The following LRRC56 variants were observed in gnomAD, a reference collection of about 807,000 sequenced individuals.
The protein encoded by LRRC56 is leucine-rich repeat-containing protein 56.
A neutral mutation model predicts 47.8 loss-of-function variants in LRRC56; 41 were observed. That is an observed-to-expected ratio of 0.86 (90% CI 0.67 to 1.11). The LOEUF (loss-of-function observed/expected upper bound fraction) is 1.11. Ranked by LOEUF, LRRC56 falls within the 50% of genes most tolerant of loss-of-function variation. The probability of loss-of-function intolerance (pLI) is 0.00; values close to 1 mark genes in which losing one functional copy is unlikely to be tolerated. For missense variants in LRRC56, 759 were observed against 704.2 expected (o/e 1.08, Z -0.88); for synonymous variants, 387 against 311.2 (o/e 1.24, Z -2.56).
the LRRC56 span, among the ~76,000 whole-genome samples, chr11:513,144 T>G: frequency 1.3e-5 from 2 of 152,200 alleles, no homozygotes; most frequent in Non-Finnish European, 2.9e-5. Context: ...AGCTGTTTTG[T>G]TTTGTTTTTC....
rs924106718 is a variant in LRRC56, at chr11:554,794, C to T, written c.*518C>T. On this transcript the variant is annotated 3_prime_UTR_variant, in exon 14 of 14. Transcript: ENST00000270115. The stretch of plus-strand genomic sequence containing the variant: ...GGTTCCCGCACTGCGATAGGGCGGC[C>T]CGTTCCCTCCTCTTGGCGCAGGACG... The T allele has an allele frequency of 5.6e-6, 3 of 533,186 alleles. No individual in the cohort carries two copies. Among genetic ancestry groups the T allele is most frequent in the Admixed American group, 8.0e-5 (2 of 25,110 alleles). 33.0% of individuals were successfully genotyped at this position (533,186 alleles called of 1,614,324 possible). A position where few individuals can be genotyped will look rare whatever the true frequency, so the allele number is the denominator to read the frequency against.
upstream of LRRC56, among the ~76,000 whole-genome samples, chr11:536,207 C>T (rs1459405934): frequency 1.3e-5 from 2 of 152,230 alleles, no homozygotes; most frequent in Non-Finnish European, 2.9e-5. Context: ...TGGGGCCAGG[C>T]GTGAGAACGC....
chr11:530,014 C>G, the LRRC56 span, among the ~76,000 whole-genome samples: 2 of 152,164 alleles, frequency 1.3e-5, no homozygotes, highest in Admixed American at 1.3e-4. Context: ...GCTGGCCTGT[C>G]CCCAGATCAG....
chr11:550,398 A>G lies in LRRC56; in HGVS notation c.624+126A>G, dbSNP rs531800302. 176 of 877,776 alleles carry G rather than the reference A, an allele frequency of 2.0e-4. No individual in the cohort carries two copies. In the East Asian group the frequency reaches 3.0e-3, roughly 15 times the overall value. 54.4% of individuals were successfully genotyped at this position (877,776 alleles called of 1,614,324 possible). On this transcript the variant is annotated intron_variant, in intron 8 of 13. Coordinates refer to ENST00000270115, the MANE Select transcript of LRRC56 (RefSeq NM_198075.4). ...ACCCGCACCCTATGGCCTGCTCACC[A>G]TGAGTTCACCTCCTCTGTCACTGGA...
chr11:547,762 A>G (rs7102467), intron 6 of LRRC56, among the ~76,000 whole-genome samples: 5,525 of 152,340 alleles, frequency 0.036, 111 homozygotes, highest in Middle Eastern at 0.051. Context: ...CTATAAAATT[A>G]AATATGATGC....
At chr11:535,925 C>T (rs1195954361), upstream of LRRC56, among the ~76,000 whole-genome samples, 1 of 152,168 alleles carries the variant, frequency 6.6e-6, no homozygotes, top group African/African-American at 2.4e-5. Context: ...GCCCTCCCTG[C>T]GCCGGCAGCG....
In LRRC56 at chr11:554,025, G is replaced by T; in HGVS notation, c.1378G>T (p.Asp460Tyr). The T allele has an allele frequency of 6.2e-7, 1 of 1,612,258 alleles. No homozygotes were observed. ...ACCTCCCAAGCACCCAAGGCCACGAGATTCTGGCAGCAGCTCCCCGCGGTG... is the reference window on the plus strand; with the variant it reads ...ACCTCCCAAGCACCCAAGGCCACGATATTCTGGCAGCAGCTCCCCGCGGTG... ...PSPPKHPRPRDSGSSSPRWST... is the reference protein window; with the variant it reads ...PSPPKHPRPRYSGSSSPRWST... Residue 460 changes from aspartate to tyrosine, a missense_variant, in exon 14 of 14, where the codon GAT becomes TAT. Coordinates refer to ENST00000270115, the MANE Select transcript of LRRC56 (RefSeq NM_198075.4).
upstream of LRRC56, chr11:537,040 C>T (rs573725441): frequency 5.2e-4 from 79 of 152,402 alleles, no homozygotes; most frequent in African/African-American, 1.9e-3. Flanking sequence ...TGTGTGTTTC[C>T]TGGTCCTCGG....
At chr11:540,390 C>A (rs995122187) in intron 3 of LRRC56, among the ~76,000 whole-genome samples, 28 of 152,206 alleles carry the variant, frequency 1.8e-4, no homozygotes, top group African/African-American at 6.0e-4. Flanking sequence ...CCTGCATGGA[C>A]CCTGAGGATG....
At chr11:553,863 C>A in intron 13 of LRRC56, 100 bp from the exon 14 acceptor site, 2 of 1,051,646 alleles carry the variant, frequency 1.9e-6, no homozygotes, top group Non-Finnish European at 2.8e-6. Context: ...GGACCACTGC[C>A]TCGGGGCTGC....
chr11:525,024 A>G, the LRRC56 span, among the ~76,000 whole-genome samples: 1 of 150,224 alleles, frequency 6.7e-6, no homozygotes, highest in East Asian at 2.0e-4. Context: ...TGAACCCAGG[A>G]GGTGGAGGTT....
At chr11:551,553 C>T (rs1287797081) in intron 9 of LRRC56, 98 bp from the exon 10 acceptor site, 14 of 1,296,906 alleles carry the variant, frequency 1.1e-5, no homozygotes, top group Non-Finnish European at 1.5e-5. Flanking sequence ...AGCCTCAGGC[C>T]ATGCAGCATG....
chr11:517,096 C>T, the LRRC56 span, among the ~76,000 whole-genome samples: 5 of 152,334 alleles, frequency 3.3e-5, no homozygotes, highest in East Asian at 1.9e-4. Context: ...ATGGTCTGCC[C>T]GCCTCGGCCT....
At chr11:523,791 GGTGGCGCACGCCTGTA>G in the LRRC56 span, among the ~76,000 whole-genome samples, 1 of 152,074 alleles carries the variant, frequency 6.6e-6, no homozygotes, top group South Asian at 2.1e-4. Flanking sequence ...AGCCGGGTGT[GGTGGCGCACGCCTGTA>G]GTCCCAGCTA....
upstream of LRRC56, chr11:533,692 GC>G: frequency 6.2e-7 from 1 of 1,610,762 alleles, no homozygotes; most frequent in South Asian, 1.1e-5. Context: ...AGGACAGGAG[GC>G]CCCTGCCTGG....
the LRRC56 span, among the ~76,000 whole-genome samples, chr11:513,621 T>A: frequency 6.6e-6 from 1 of 152,146 alleles, no homozygotes; most frequent in South Asian, 2.1e-4. Context: ...GACAAAATGC[T>A]ACCAAACAGC....
the LRRC56 span, among the ~76,000 whole-genome samples, chr11:517,572 G>C: frequency 1.3e-5 from 2 of 151,772 alleles, no homozygotes; most frequent in Admixed American, 1.3e-4. Flanking sequence ...CGTCCCATCT[G>C]GGGGGTGAGG....
At chr11:512,788 C>T in the LRRC56 span, among the ~76,000 whole-genome samples, 3 of 152,172 alleles carry the variant, frequency 2.0e-5, no homozygotes, top group East Asian at 1.9e-4. Context: ...CTCAATGCTA[C>T]GTCGCCTTCT....
the LRRC56 span, among the ~76,000 whole-genome samples, chr11:517,575 G>C: frequency 2.0e-5 from 3 of 146,448 alleles, no homozygotes; most frequent in Admixed American, 2.0e-4. Flanking sequence ...CCCATCTGGG[G>C]GGTGAGGAGC....
Sources: allele counts gnomAD v4.1 joint callset (sites outside exome capture counted in the v4.1 genomes callset), GRCh38; gene constraint gnomAD v4.1.1; transcripts MANE v1.5; gene names NCBI Gene and HGNC (gene_info 2026-07-23, HGNC 2026-07-21).